Variants in DNAAF10 observed in about 807,000 individuals in gnomAD.
DNAAF10 encodes WD repeat domain 92.
DNAAF10 carries 28 observed loss-of-function variants against 43.7 expected under a neutral mutation model. That is an observed-to-expected ratio of 0.64 (90% confidence interval 0.48 to 0.88). The LOEUF (loss-of-function observed/expected upper bound fraction) is 0.88, where lower values mean the gene tolerates loss of function less well. Ranked by LOEUF, DNAAF10 falls within the 40% of genes least tolerant of loss-of-function variation. DNAAF10 has a pLI of 0.00. For missense variants in DNAAF10, 403 were observed against 439.1 expected (o/e 0.92, Z 0.73); for synonymous variants, 156 against 157.3 (o/e 0.99, Z 0.06).
At chr2:68,140,758 C>A (rs755800344) in intron 4 of DNAAF10, among the ~76,000 whole-genome samples, 1 of 152,182 alleles carries the variant, frequency 6.6e-6, no homozygotes, top group Non-Finnish European at 1.5e-5. Flanking sequence ...CCTACTATTA[C>A]TCTCTTCTAC....
At chr2:68,141,333 C>G (rs899530263) in intron 4 of DNAAF10, among the ~76,000 whole-genome samples, 11 of 152,170 alleles carry the variant, frequency 7.2e-5, no homozygotes, top group Admixed American at 2.0e-4. Context: ...TCAATATTAT[C>G]TAGTTAAACA....
chr2:68,140,509 T>C (rs1212061880), intron 4 of DNAAF10, among the ~76,000 whole-genome samples: 2 of 152,224 alleles, frequency 1.3e-5, no homozygotes, highest in Non-Finnish European at 2.9e-5. Context: ...TATTATCTTC[T>C]GAATCATCCA....
In DNAAF10 at chr2:68,130,021, G is replaced by A. The variant is rs1672892155; in HGVS notation, c.*1217C>T. The A allele has an allele frequency of 6.7e-6, 1 of 150,316 alleles. No individual in the cohort carries two copies. The highest frequency in any genetic ancestry group is 6.7e-5 in the Admixed American group (1 of 15,020). 9.3% of individuals were successfully genotyped at this position (150,316 alleles called of 1,614,324 possible). On this transcript the variant is annotated 3_prime_UTR_variant, in exon 8 of 8. Coordinates refer to ENST00000295121, the MANE Select transcript of DNAAF10 (RefSeq NM_138458.4). The stretch of plus-strand genomic sequence containing the variant: ...CAGTTCCTGTATTTTAAGTAAAAAA[G>A]AGCTCTTTAAAATCAAAGCATTTTG...
At chr2:68,135,608 C>G (rs1199866737) in intron 6 of DNAAF10, among the ~76,000 whole-genome samples, 1 of 152,176 alleles carries the variant, frequency 6.6e-6, no homozygotes, top group Non-Finnish European at 1.5e-5. Flanking sequence ...TTTGTAGAAG[C>G]AGTGGGGCTG....
At chr2:68,156,952 C>A in intron 1 of DNAAF10, 1 of 427,202 alleles carries the variant, frequency 2.3e-6, no homozygotes, top group East Asian at 4.4e-5. Context: ...GAATACCAGG[C>A]ACTCAGCTGA....
intron 1 of DNAAF10, among the ~76,000 whole-genome samples, chr2:68,155,153 CAA>C (rs1350714298): frequency 1.6e-4 from 18 of 114,894 alleles, no homozygotes; most frequent in Admixed American, 2.7e-4. Flanking sequence ...GACCCTGTTT[CAA>C]AAAAAAAAAA....
At chr2:68,131,500 A>T in intron 7 of DNAAF10, 55 bp from the exon 8 acceptor site, 265 of 1,496,398 alleles carry the variant, frequency 1.8e-4, no homozygotes, top group East Asian at 3.7e-4. Flanking sequence ...TCACCATTTT[A>T]TTTTTATACA....
At chr2:68,155,644 G>C (rs1673579292) in intron 1 of DNAAF10, among the ~76,000 whole-genome samples, 1 of 151,894 alleles carries the variant, frequency 6.6e-6, no homozygotes, top group Non-Finnish European at 1.5e-5. Context: ...GATGAGCTAT[G>C]ACAGTAGCAC....
At chr2:68,149,161 T>C (rs1348083125) in intron 1 of DNAAF10, among the ~76,000 whole-genome samples, 1 of 152,228 alleles carries the variant, frequency 6.6e-6, no homozygotes, top group East Asian at 1.9e-4. Context: ...AAGGTATACA[T>C]AGCAATTTTC....
At chr2:68,155,804 T>G (rs1399521540) in intron 1 of DNAAF10, among the ~76,000 whole-genome samples, 6 of 151,872 alleles carry the variant, frequency 4.0e-5, no homozygotes, top group Admixed American at 3.9e-4. Context: ...AACATTGGAA[T>G]AGCAACAGGT....
intron 1 of DNAAF10, among the ~76,000 whole-genome samples, chr2:68,151,460 GTCAC>G (rs1243037514): frequency 2.0e-5 from 3 of 152,090 alleles, no homozygotes; most frequent in Non-Finnish European, 4.4e-5. Flanking sequence ...CTAAATTACT[GTCAC>G]TCACCCTGTT....
intron 4 of DNAAF10, among the ~76,000 whole-genome samples, chr2:68,140,835 A>G (rs541617780): frequency 6.6e-6 from 1 of 151,990 alleles, no homozygotes; most frequent in Admixed American, 6.6e-5. Flanking sequence ...AAATATTTGG[A>G]AAAAAATTTG....
chr2:68,154,109 G>A (rs1673527038), intron 1 of DNAAF10, among the ~76,000 whole-genome samples: 1 of 151,996 alleles, frequency 6.6e-6, no homozygotes, highest in African/African-American at 2.4e-5. Context: ...TGGACAGTAG[G>A]CTCTTTAGGA....
intron 1 of DNAAF10, among the ~76,000 whole-genome samples, chr2:68,152,516 T>C (rs532698037): frequency 6.6e-6 from 1 of 152,254 alleles, no homozygotes; most frequent in African/African-American, 2.4e-5. Context: ...TTTTTCATAG[T>C]TCACAAACGG....
At chr2:68,141,313 T>G (rs1233686192) in intron 4 of DNAAF10, among the ~76,000 whole-genome samples, 1 of 152,212 alleles carries the variant, frequency 6.6e-6, no homozygotes. Flanking sequence ...GTGTCTGACT[T>G]TAAATTAGGT....
rs373112334 is a variant in DNAAF10 at position 68,153,865 on chromosome 2, C to T, written c.183+3396G>A. 2.4e-3 allele frequency among the ~76,000 whole-genome samples: 360 copies of T among 150,328 alleles called. 3 individuals carry two copies. Among genetic ancestry groups the T allele is most frequent in the African/African-American group, 8.2e-3 (335 of 40,844 alleles). On this transcript the variant is annotated intron_variant, in intron 1 of 7. Transcript: ENST00000295121. ...CTCCCGGGTTCAAGTGATTCTCGTG[C>T]CTCAGCCTCCTGAGTAGCTGGGTTT...
At position 68,157,450 on chromosome 2, in the gene DNAAF10, G is replaced by A. The variant is rs1673660281; in HGVS notation, c.-7C>T. ...GCTTCTCGAAGGCCGACATGGTGCA[G>A]CCAATTTCAGCTACGGCAACCGCCA... On this transcript the variant is annotated 5_prime_UTR_variant, in exon 1 of 8. Coordinates refer to ENST00000295121, the MANE Select transcript of DNAAF10 (RefSeq NM_138458.4). 1 of 1,614,134 alleles carries A rather than the reference G, an allele frequency of 6.2e-7. No individual in the cohort carries two copies. The highest frequency in any genetic ancestry group is 8.5e-7 in the Non-Finnish European group (1 of 1,180,026).
intron 6 of DNAAF10, among the ~76,000 whole-genome samples, chr2:68,135,163 T>G (rs1026635390): frequency 2.0e-5 from 3 of 152,176 alleles, no homozygotes; most frequent in African/African-American, 7.2e-5. Context: ...ACATATACTT[T>G]TGTTTATATA....
At chr2:68,142,387 G>A (rs1037899848) in intron 3 of DNAAF10, among the ~76,000 whole-genome samples, 1 of 152,108 alleles carries the variant, frequency 6.6e-6, no homozygotes, top group African/African-American at 2.4e-5. Flanking sequence ...CTCCCAAGTA[G>A]CTGGGACTAC....
Sources: allele counts gnomAD v4.1 joint callset (sites outside exome capture counted in the v4.1 genomes callset), GRCh38; gene constraint gnomAD v4.1.1; transcripts MANE v1.5; gene names NCBI Gene and HGNC (gene_info 2026-07-23, HGNC 2026-07-21).